The following SCG5 variants were observed in gnomAD, a reference collection of about 807,000 sequenced individuals.
The protein encoded by SCG5 is neuroendocrine protein 7B2.
Under a neutral mutation model 25.7 loss-of-function variants are expected in SCG5, and 18 were observed. That is an observed-to-expected ratio of 0.70 (90% CI 0.48 to 1.04). The LOEUF (loss-of-function observed/expected upper bound fraction) is 1.04, where lower values mean the gene tolerates loss of function less well. SCG5 is among the 50% of genes least tolerant of loss of function. The pLI is 0.00. For missense variants in SCG5, 206 were observed against 259.8 expected (o/e 0.79, Z 1.42); for synonymous variants, 101 against 91.7 (o/e 1.10, Z -0.58).
intron 2 of SCG5, among the ~76,000 whole-genome samples, chr15:32,672,396 T>C (rs1385227648): frequency 6.6e-6 from 1 of 152,134 alleles, no homozygotes; most frequent in Non-Finnish European, 1.5e-5. Flanking sequence ...TGTTCCCAAG[T>C]TGTGTGGCAG....
intron 2 of SCG5, among the ~76,000 whole-genome samples, chr15:32,652,597 G>C (rs2054050551): frequency 6.6e-6 from 1 of 152,128 alleles, no homozygotes; most frequent in African/African-American, 2.4e-5. Flanking sequence ...CCTCCATTGG[G>C]GAAAAAGGAA....
intron 2 of SCG5, among the ~76,000 whole-genome samples, chr15:32,656,832 G>A (rs1213277568): frequency 2.6e-5 from 4 of 152,062 alleles, no homozygotes; most frequent in African/African-American, 4.8e-5. Flanking sequence ...ATTTCGCACC[G>A]CAAATATAAC....
rs374059812 is a variant in SCG5, at chr15:32,684,609, G to A, written c.429G>A (p.Glu143=). 3.1e-6 allele frequency: 5 copies of A among 1,613,860 alleles called. No individual in the cohort carries two copies. Among genetic ancestry groups the A allele is most frequent in the African/African-American group, 2.7e-5 (2 of 75,040 alleles). ...CTGACACTGCAGAGTTCAGTCGAGA[G>A]TTCCAGTTGCACCAGCATCTCTTTG... ...NTPDTAEFSR[E]FQLHQHLFDP... Residue 143 remains glutamate, a synonymous_variant, in exon 4 of 6, where the codon GAG becomes GAA. Coordinates refer to ENST00000300175, the MANE Select transcript of SCG5 (RefSeq NM_001144757.3).
intron 5 of SCG5, among the ~76,000 whole-genome samples, chr15:32,693,099 C>T (rs2054889541): frequency 6.6e-6 from 1 of 152,080 alleles, no homozygotes; most frequent in Non-Finnish European, 1.5e-5. Flanking sequence ...CATAATTTAC[C>T]AGTAACACGG....
At chr15:32,655,423 T>C (rs1451770814) in intron 2 of SCG5, among the ~76,000 whole-genome samples, 1 of 152,138 alleles carries the variant, frequency 6.6e-6, no homozygotes, top group African/African-American at 2.4e-5. Context: ...TTCCTCCCCT[T>C]GTCCCCTTAA....
chr15:32,684,776 A>T, intron 4 of SCG5, 107 bp downstream of exon 4: 6 of 698,300 alleles, frequency 8.6e-6, no homozygotes, highest in Non-Finnish European at 1.5e-5. Context: ...AATTATTTAG[A>T]AGCTAATTTT....
At chr15:32,687,008 G>A (rs1032934657) in intron 4 of SCG5, among the ~76,000 whole-genome samples, 1 of 152,152 alleles carries the variant, frequency 6.6e-6, no homozygotes, top group African/African-American at 2.4e-5. Context: ...ACTAAGGAGG[G>A]CAGCACTGAA....
chr15:32,660,861 A>G (rs1260404464), intron 2 of SCG5, among the ~76,000 whole-genome samples: 1 of 152,258 alleles, frequency 6.6e-6, no homozygotes, highest in Non-Finnish European at 1.5e-5. Flanking sequence ...TTAAAGCTCT[A>G]GTATCTGGGA....
intron 4 of SCG5, among the ~76,000 whole-genome samples, chr15:32,690,943 A>T (rs1045460086): frequency 1.3e-5 from 2 of 148,934 alleles, no homozygotes; most frequent in African/African-American, 4.9e-5. Context: ...CCGCCACCAA[A>T]TCCCCTTCTC....
intron 2 of SCG5, among the ~76,000 whole-genome samples, chr15:32,663,059 AT>A (rs781756661): frequency 0.13 from 8,759 of 68,418 alleles, 808 homozygotes; most frequent in South Asian, 0.27. Flanking sequence ...ATATATATAT[AT>A]ATATATATAT....
chr15:32,682,683 A>G (rs1358799564), intron 3 of SCG5, among the ~76,000 whole-genome samples: 1 of 152,202 alleles, frequency 6.6e-6, no homozygotes, highest in South Asian at 2.1e-4. Flanking sequence ...TTCTGCCACA[A>G]TCTGCATTCC....
chr15:32,642,568 C>CAAAAA (rs11338067), intron 1 of SCG5, among the ~76,000 whole-genome samples: 1 of 49,730 alleles, frequency 2.0e-5, no homozygotes, highest in African/African-American at 8.2e-5. Flanking sequence ...AACTCCGTCT[C>CAAAAA]AAAAAAAAAA....
chr15:32,679,145 A>C (rs2054574126), intron 2 of SCG5, among the ~76,000 whole-genome samples: 1 of 151,680 alleles, frequency 6.6e-6, no homozygotes, highest in Non-Finnish European at 1.5e-5. Flanking sequence ...CTTTTCCAAG[A>C]AGCCCTCCCA....
At chr15:32,687,581 G>A (rs1009704818) in intron 4 of SCG5, among the ~76,000 whole-genome samples, 3 of 152,192 alleles carry the variant, frequency 2.0e-5, no homozygotes, top group African/African-American at 7.2e-5. Flanking sequence ...TATATGGAAT[G>A]ACAGTCTCAA....
intron 2 of SCG5, among the ~76,000 whole-genome samples, chr15:32,675,895 A>G (rs979173158): frequency 5.9e-5 from 9 of 152,170 alleles, no homozygotes; most frequent in African/African-American, 1.9e-4. Flanking sequence ...CTCAATGCAT[A>G]TTTTTAGATT....
chr15:32,685,176 G>A (rs865969355), intron 4 of SCG5, among the ~76,000 whole-genome samples: 6 of 152,202 alleles, frequency 3.9e-5, no homozygotes, highest in Admixed American at 1.3e-4. Flanking sequence ...TGAGATTGCT[G>A]TCAGTCCTAG....
Position 32,696,601 on chromosome 15 carries a change from C to A in SCG5, c.631C>A (p.Pro211Thr), listed in dbSNP as rs1174707833. Residue 211 changes from proline to threonine, a missense_variant, in exon 6 of 6, where the codon CCA (proline) becomes ACA (threonine). Pro to Thr is a conservative substitution (Grantham distance 38). Transcript: ENST00000300175. ...CCATTTTTCAGATGAGGATAAGGATCCAGAGTAAAGAGAAGATGCTAGACG... is the reference window on the plus strand; with the variant it reads ...CCATTTTTCAGATGAGGATAAGGATACAGAGTAAAGAGAAGATGCTAGACG... ...VPHFSDEDKDPE is the reference protein window; with the variant it reads ...VPHFSDEDKDTE The A allele has an allele frequency of 3.7e-6, 6 of 1,609,632 alleles. No homozygotes were observed. In the East Asian group the frequency reaches 8.9e-5, roughly 24 times the overall value.
In SCG5 at chr15:32,679,927, G is replaced by A. The variant is rs777430362; in HGVS notation, c.376+12G>A. 1 of 1,580,438 alleles carries A rather than the reference G, an allele frequency of 6.3e-7. No individual in the cohort carries two copies. The highest frequency in any genetic ancestry group is 1.2e-5 in the South Asian group (1 of 86,298). On this transcript the variant is annotated intron_variant, in intron 3 of 5. Transcript: ENST00000300175. The stretch of plus-strand genomic sequence containing the variant: ...TGTTGGAAAAACAGGTAACAGATAT[G>A]CCTTTGGGTTCCCATGAAAAGTTGG...
intron 2 of SCG5, chr15:32,669,085 A>G (rs894647619): frequency 1.3e-5 from 2 of 152,214 alleles, no homozygotes; most frequent in Admixed American, 6.5e-5. Flanking sequence ...CTACTTTAAG[A>G]GAATTATCCC....
Sources: allele counts gnomAD v4.1 joint callset (sites outside exome capture counted in the v4.1 genomes callset), GRCh38; gene constraint gnomAD v4.1.1; transcripts MANE v1.5; gene names NCBI Gene and HGNC (gene_info 2026-07-23, HGNC 2026-07-21).